The following CCDC146 variants were observed in gnomAD, a reference collection of about 807,000 sequenced individuals.
CCDC146 encodes the protein coiled-coil domain-containing protein 146.
A neutral mutation model predicts 119.3 loss-of-function variants in CCDC146; 92 were observed. That is an observed-to-expected ratio of 0.77 (90% confidence interval 0.65 to 0.92). CCDC146 has a LOEUF of 0.92. CCDC146 is among the 40% of genes least tolerant of loss of function. The pLI is 0.00. For missense variants in CCDC146, 1,000 were observed against 1,103.0 expected (o/e 0.91, Z 1.32); for synonymous variants, 372 against 371.8 (o/e 1.00, Z -0.01).
intron 1 of CCDC146, among the ~76,000 whole-genome samples, chr7:77,148,325 A>T (rs1791055616): frequency 1.3e-5 from 2 of 152,096 alleles, no homozygotes; most frequent in Admixed American, 1.3e-4. Context: ...TCCCTTGGCT[A>T]GGAAAGGGAA....
intron 2 of CCDC146, among the ~76,000 whole-genome samples, chr7:77,191,270 C>T (rs554001568): frequency 4.6e-5 from 7 of 152,308 alleles, no homozygotes; most frequent in African/African-American, 1.7e-4. Flanking sequence ...TGAGGACTTA[C>T]TGTATTTGAT....
At chr7:77,225,194 A>G (rs1792486199) in intron 2 of CCDC146, among the ~76,000 whole-genome samples, 3 of 152,214 alleles carry the variant, frequency 2.0e-5, no homozygotes, top group Admixed American at 6.5e-5. Context: ...CTCTCTTACA[A>G]CTGAAGAGAC....
intron 9 of CCDC146, among the ~76,000 whole-genome samples, chr7:77,268,309 C>A (rs1264593587): frequency 6.6e-6 from 1 of 151,990 alleles, no homozygotes; most frequent in Admixed American, 6.5e-5. Flanking sequence ...TTGTCCTGAT[C>A]CATCATGATT....
At chr7:77,203,332 T>C (rs1169946370) in intron 2 of CCDC146, among the ~76,000 whole-genome samples, 1 of 152,048 alleles carries the variant, frequency 6.6e-6, no homozygotes, top group Non-Finnish European at 1.5e-5. Flanking sequence ...GAGAGTGTAG[T>C]AGTATTTCTG....
At chr7:77,283,668 G>A (rs1793801339) in intron 15 of CCDC146, among the ~76,000 whole-genome samples, 1 of 151,984 alleles carries the variant, frequency 6.6e-6, no homozygotes, top group African/African-American at 2.4e-5. Context: ...GAGACATCTT[G>A]TCATTTATTT....
At chr7:77,173,831 A>G (rs1202803917) in intron 2 of CCDC146, among the ~76,000 whole-genome samples, 1 of 152,158 alleles carries the variant, frequency 6.6e-6, no homozygotes, top group Non-Finnish European at 1.5e-5. Context: ...TATTTAAGGT[A>G]TAACATATAG....
intron 2 of CCDC146, among the ~76,000 whole-genome samples, chr7:77,197,392 A>T (rs1244979696): frequency 6.6e-6 from 1 of 152,224 alleles, no homozygotes; most frequent in Non-Finnish European, 1.5e-5. Flanking sequence ...GCATGTGAGG[A>T]TATTTAGGCA....
At position 77,281,033 on chromosome 7, in the gene CCDC146, G is replaced by A. The variant is rs560123009; in HGVS notation, c.1919+380G>A. Among the ~76,000 whole-genome samples the A allele has an allele frequency of 7.9e-5, 12 of 151,880 alleles. No individual in the cohort carries two copies. In the South Asian group the frequency reaches 2.5e-3, roughly 32 times the overall value. ...CACGAGAATCGCTTGAACCCGGGAG[G>A]CAGAGGTTGCAGTGAGCTGAGATCG... is the stretch of plus-strand genomic sequence containing the variant. On this transcript the variant is annotated intron_variant, in intron 14 of 18. Transcript: ENST00000285871.
chr7:77,136,987 TAA>T (rs1015494213), intron 1 of CCDC146, among the ~76,000 whole-genome samples: 7 of 151,934 alleles, frequency 4.6e-5, no homozygotes, highest in African/African-American at 1.7e-4. Context: ...ATCAACAGGC[TAA>T]AAAAGAAAAA....
At chr7:77,191,957 TTC>T (rs1390642142) in intron 2 of CCDC146, among the ~76,000 whole-genome samples, 2 of 151,824 alleles carry the variant, frequency 1.3e-5, no homozygotes, top group African/African-American at 4.8e-5. Context: ...ATGATTTTTT[TTC>T]TCTGTCACCC....
At chr7:77,169,704 CCTT>C (rs1791388986) in intron 2 of CCDC146, among the ~76,000 whole-genome samples, 1 of 152,186 alleles carries the variant, frequency 6.6e-6, no homozygotes, top group African/African-American at 2.4e-5. Flanking sequence ...GCTCACTTGT[CCTT>C]CTGACATGCT....
intron 2 of CCDC146, among the ~76,000 whole-genome samples, chr7:77,225,771 C>T (rs1183482516): frequency 3.9e-5 from 6 of 152,050 alleles, no homozygotes; most frequent in South Asian, 2.1e-4. Context: ...GGTGAAACCC[C>T]GTCTCTACTA....
intron 2 of CCDC146, among the ~76,000 whole-genome samples, chr7:77,220,803 C>T (rs1293739600): frequency 6.6e-6 from 1 of 152,172 alleles, no homozygotes; most frequent in Non-Finnish European, 1.5e-5. Context: ...TGTTGAGTAA[C>T]TATAGGCTGA....
At chr7:77,199,688 T>A in intron 2 of CCDC146, 1 of 1,614,162 alleles carries the variant, frequency 6.2e-7, no homozygotes, top group Non-Finnish European at 8.5e-7. Flanking sequence ...CAGACATCCT[T>A]TGCTCTTTCA....
At chr7:77,287,272 C>T in intron 16 of CCDC146, 168 bp from the exon 17 acceptor site, 1 of 664,354 alleles carries the variant, frequency 1.5e-6, no homozygotes, top group Admixed American at 2.9e-5. Context: ...TACTCGAACT[C>T]CCAGAGGTAT....
At chr7:77,199,591 AG>A in intron 2 of CCDC146, 1 of 1,614,130 alleles carries the variant, frequency 6.2e-7, no homozygotes, top group Non-Finnish European at 8.5e-7. Context: ...TTGCTTCGGG[AG>A]CTGAATAGTC....
At chr7:77,181,676 C>T (rs17544690) in intron 2 of CCDC146, among the ~76,000 whole-genome samples, 16,636 of 152,170 alleles carry the variant, frequency 0.11, 1,194 homozygotes, top group Non-Finnish European at 0.17. Context: ...ACTCTTGATA[C>T]ATTTAGAAAG....
At chr7:77,165,370 G>T (rs1439151200) in intron 1 of CCDC146, among the ~76,000 whole-genome samples, 1 of 151,944 alleles carries the variant, frequency 6.6e-6, no homozygotes, top group African/African-American at 2.4e-5. Flanking sequence ...TGTAAATAAA[G>T]TCTGTTGGAA....
chr7:77,252,111 T>C (rs1486045729), intron 4 of CCDC146, among the ~76,000 whole-genome samples: 1 of 152,184 alleles, frequency 6.6e-6, no homozygotes, highest in East Asian at 1.9e-4. Context: ...ATCATGCCAC[T>C]GCACTCCAGC....
Sources: allele counts gnomAD v4.1 joint callset (sites outside exome capture counted in the v4.1 genomes callset), GRCh38; gene constraint gnomAD v4.1.1; transcripts MANE v1.5; gene names NCBI Gene and HGNC (gene_info 2026-07-23, HGNC 2026-07-21).